Variants in JKAMP observed in about 807,000 individuals in gnomAD.
The protein encoded by JKAMP is JNK1/MAPK8 associated membrane protein.
In JKAMP, 20 loss-of-function variants were observed where a neutral mutation model predicts 40.2. That is an observed-to-expected ratio of 0.50 (90% CI 0.35 to 0.72). The LOEUF (loss-of-function observed/expected upper bound fraction) is 0.72, where lower values mean the gene tolerates loss of function less well. Ranked by LOEUF, JKAMP falls within the 30% of genes least tolerant of loss-of-function variation. The pLI, the probability that JKAMP is intolerant of heterozygous loss-of-function variation, is 0.01. For synonymous variants in JKAMP, 138 were observed against 131.6 expected, an observed-to-expected ratio of 1.05 and a Z score of -0.33; for missense variants, 276 against 373.0, an observed-to-expected ratio of 0.74 and a Z score of 2.14.
At chr14:59,487,901 G>A (rs1890701820) in intron 3 of JKAMP, 73 bp downstream of exon 3, 2 of 1,309,244 alleles carry the variant, frequency 1.5e-6, no homozygotes. Flanking sequence ...ACCTTATTAA[G>A]TAATTATGCT....
intron 1 of JKAMP, 49 bp from the exon 2 acceptor site, chr14:59,486,664 T>C (rs1248333819): frequency 7.6e-7 from 1 of 1,311,936 alleles, no homozygotes; most frequent in South Asian, 1.3e-5. Context: ...TGCAATTATT[T>C]TTTATAATCA....
chr14:59,485,149 T>C, intron 1 of JKAMP: 1 of 1,594,970 alleles, frequency 6.3e-7, no homozygotes, highest in Non-Finnish European at 8.5e-7. Flanking sequence ...CAGTTCAGTT[T>C]ATCATACTGG....
intron 3 of JKAMP, among the ~76,000 whole-genome samples, chr14:59,489,651 T>A (rs577716883): frequency 6.6e-6 from 1 of 152,344 alleles, no homozygotes; most frequent in South Asian, 2.1e-4. Flanking sequence ...CAGTTTTCTG[T>A]TAGTCCATTT....
intron 5 of JKAMP, 35 bp from the exon 6 acceptor site, chr14:59,501,156 T>A: frequency 7.5e-7 from 1 of 1,325,274 alleles, no homozygotes; most frequent in Middle Eastern, 2.0e-4. Flanking sequence ...AAAATTTGTT[T>A]CATTTCCAAC....
intron 1 of JKAMP, chr14:59,484,969 C>G: frequency 6.5e-7 from 1 of 1,546,362 alleles, no homozygotes; most frequent in Non-Finnish European, 8.6e-7. Flanking sequence ...AATTTGTCTA[C>G]TGCTTCAACC....
rs1443827461 is a variant in JKAMP, at chr14:59,498,760, C to T, written c.492C>T (p.Cys164=). 1.4e-5 allele frequency: 22 copies of T among 1,588,562 alleles called. No homozygotes were observed. The highest frequency in any genetic ancestry group is 1.8e-5 in the Non-Finnish European group (21 of 1,161,078). Residue 164 remains cysteine, a synonymous_variant, in exon 5 of 7, where the codon TGC becomes TGT. Transcript: ENST00000616435. ...YTIVFIYYAF[C]LVLMMLLRPL... is the part of the protein sequence containing the mutation. ...TTGTATTTATCTATTACGCATTCTG[C>T]TTGGTATTAATGATGCTGCTCCGAC...
intron 3 of JKAMP, among the ~76,000 whole-genome samples, chr14:59,493,004 T>C (rs1215325551): frequency 6.6e-6 from 1 of 151,796 alleles, no homozygotes; most frequent in Admixed American, 6.6e-5. Context: ...TTCACTGTGT[T>C]AGCCAGGATG....
intron 3 of JKAMP, among the ~76,000 whole-genome samples, chr14:59,491,670 A>G (rs532556353): frequency 6.6e-6 from 1 of 152,322 alleles, no homozygotes; most frequent in South Asian, 2.1e-4. Context: ...GGGAAAGATA[A>G]ACTATGTGAG....
At chr14:59,499,866 CTA>C (rs1201266478) in intron 5 of JKAMP, among the ~76,000 whole-genome samples, 1 of 152,190 alleles carries the variant, frequency 6.6e-6, no homozygotes, top group African/African-American at 2.4e-5. Flanking sequence ...TCTAGCTCCT[CTA>C]TTTCCCTGTT....
In JKAMP at chr14:59,504,913, T is replaced by A; in HGVS notation, c.*841T>A. On this transcript the variant is annotated 3_prime_UTR_variant, in exon 7 of 7. Transcript: ENST00000616435. ...ATTAGATTTAATGAAATACAGAAGA[T>A]ACACAGAATAAAAAGGGTTTTCCTG... 2.8e-5 allele frequency: 5 copies of A among 177,450 alleles called. No homozygotes were observed. The allele number at this position is 177,450 out of a possible 1,614,324, so 11.0% of individuals were successfully genotyped here.
rs773212666 is a variant in JKAMP, at chr14:59,484,588, C to G, written c.-2C>G. On this transcript the variant is annotated 5_prime_UTR_variant, in exon 1 of 7. Coordinates refer to ENST00000616435, the MANE Select transcript of JKAMP (RefSeq NM_016475.5). ...TTCTCGAAAAAAACCTTCAGGCGGC[C>G]CATGGGTGAGTGGTCGCCAAGATCC... The G allele has an allele frequency of 6.3e-7, 1 of 1,577,912 alleles. No homozygotes were observed. The highest frequency in any genetic ancestry group is 1.4e-5 in the African/African-American group (1 of 73,958).
intron 1 of JKAMP, 115 bp downstream of exon 1, chr14:59,484,708 G>C: frequency 7.6e-7 from 1 of 1,312,990 alleles, no homozygotes. Context: ...GCGCAGGCTC[G>C]CCCCTTGACC....
At chr14:59,485,093 C>T in intron 1 of JKAMP, 1 of 1,598,360 alleles carries the variant, frequency 6.3e-7, no homozygotes, top group South Asian at 1.1e-5. Flanking sequence ...ATTCAACAGT[C>T]GCTTGGAGCC....
Position 59,503,841 on chromosome 14 carries a change from C to T in JKAMP, c.718-13C>T. On this transcript the variant is annotated splice_polypyrimidine_tract_variant and intron_variant, in intron 6 of 6. Coordinates refer to ENST00000616435, the MANE Select transcript of JKAMP (RefSeq NM_016475.5). ...CTGTATTTCTCTTTTCTTTCTTTTA[C>T]AAAATTATATAGAACTGCTATGATC... The T allele has an allele frequency of 6.4e-7, 1 of 1,566,828 alleles. No homozygotes were observed. Among genetic ancestry groups the T allele is most frequent in the African/African-American group, 1.4e-5 (1 of 73,724 alleles).
intron 1 of JKAMP, among the ~76,000 whole-genome samples, chr14:59,485,284 C>T (rs8005861): frequency 0.43 from 65,550 of 152,040 alleles, 14,625 homozygotes; most frequent in African/African-American, 0.54. Context: ...TCTTGAAAAA[C>T]CTGAAATATT....
intron 6 of JKAMP, among the ~76,000 whole-genome samples, chr14:59,503,528 T>G (rs1312152722): frequency 6.6e-6 from 1 of 152,146 alleles, no homozygotes; most frequent in East Asian, 1.9e-4. Context: ...TAAAGTGGAG[T>G]TTCCCTTCTA....
At chr14:59,498,163 A>G (rs1891589963) in intron 4 of JKAMP, among the ~76,000 whole-genome samples, 1 of 152,110 alleles carries the variant, frequency 6.6e-6, no homozygotes, top group Non-Finnish European at 1.5e-5. Flanking sequence ...TTATCTTTCC[A>G]GTTTTATTTC....
intron 1 of JKAMP, 196 bp downstream of exon 1, chr14:59,484,789 G>C (rs547833097): frequency 1.8e-4 from 165 of 899,542 alleles, no homozygotes; most frequent in Non-Finnish European, 2.5e-4. Context: ...GGCTACTAGG[G>C]GAGGCGCGCT....
rs953622935 is a variant in JKAMP at position 59,484,705 on chromosome 14, C to T, written c.4+112C>T. ...GGCGGCCTTCGGTTGGCGGCGCAGG[C>T]TCGCCCCTTGACCCCGCCCGCCCTC... On this transcript the variant is annotated intron_variant, in intron 1 of 6. Transcript: ENST00000616435. 1.6e-5 allele frequency: 22 copies of T among 1,355,044 alleles called. No homozygotes were observed. The South Asian group carries it at 2.4e-4, about 15-fold the overall frequency. 83.9% of individuals were successfully genotyped at this position (1,355,044 alleles called of 1,614,324 possible). A position where few individuals can be genotyped will look rare whatever the true frequency, so the allele number is the denominator to read the frequency against.
Sources: gnomAD v4.1 joint callset for allele counts (sites outside exome capture counted in the v4.1 genomes callset) on GRCh38, gnomAD v4.1.1 for gene constraint, MANE v1.5 for transcripts, NCBI Gene and HGNC (gene_info 2026-07-23, HGNC 2026-07-21) for gene names.